Variants in SMIM36 observed in about 807,000 individuals in gnomAD.
SMIM36 encodes the protein small integral membrane protein 36.
At position 55,450,414 on chromosome 17, in the gene SMIM36, C is replaced by T. The variant is rs190577599; in HGVS notation, c.*532-116G>A. 3.3e-5 allele frequency: 5 copies of T among 152,322 alleles called. No homozygotes were observed. The East Asian group carries it at 9.6e-4, about 29-fold the overall frequency. The allele number at this position is 152,322 out of a possible 1,614,324, so 9.4% of individuals were successfully genotyped here. A position where few individuals can be genotyped will look rare whatever the true frequency, so the allele number is the denominator to read the frequency against. On this transcript the variant is annotated intron_variant, in intron 4 of 4. Coordinates refer to ENST00000636752, the Ensembl canonical transcript of SMIM36. The stretch of plus-strand genomic sequence containing the variant: ...ATCTAATCTTTGACCTTTTACATTT[C>T]CTCGTTGCTTTCTCTCAAGGGGTGT...
intron 1 of SMIM36, among the ~76,000 whole-genome samples, chr17:55,483,748 C>T (rs1249563796): frequency 1.3e-5 from 2 of 152,162 alleles, no homozygotes; most frequent in Non-Finnish European, 2.9e-5. Flanking sequence ...ATTCTCAAGC[C>T]TCAGCCTCCT....
At chr17:55,528,673 C>T in the SMIM36 span, among the ~76,000 whole-genome samples, 1 of 151,892 alleles carries the variant, frequency 6.6e-6, no homozygotes, top group Non-Finnish European at 1.5e-5. Flanking sequence ...CCTCAGCCTC[C>T]TGAGTAGCTG....
At chr17:55,493,787 G>A (rs539430920) in intron 1 of SMIM36, among the ~76,000 whole-genome samples, 2 of 142,264 alleles carry the variant, frequency 1.4e-5, no homozygotes, top group East Asian at 4.1e-4. Flanking sequence ...TCCAGCATGG[G>A]CAGCAGAGCT....
At chr17:55,456,072 C>T (rs141961801) in intron 4 of SMIM36, among the ~76,000 whole-genome samples, 3,865 of 142,634 alleles carry the variant, frequency 0.027, 157 homozygotes, top group African/African-American at 0.086. Flanking sequence ...GAGCCAAGAC[C>T]GCACCATTGC....
At chr17:55,493,179 G>A (rs529315417) in intron 1 of SMIM36, among the ~76,000 whole-genome samples, 14 of 152,332 alleles carry the variant, frequency 9.2e-5, no homozygotes, top group African/African-American at 2.6e-4. Flanking sequence ...TCCTCATTCA[G>A]GGAGGTCAGG....
At chr17:55,453,754 A>G (rs1257648607) in intron 4 of SMIM36, among the ~76,000 whole-genome samples, 1 of 152,190 alleles carries the variant, frequency 6.6e-6, no homozygotes, top group Non-Finnish European at 1.5e-5. Context: ...TAGTTCTACT[A>G]TTAATGGGAG....
intron 3 of SMIM36, among the ~76,000 whole-genome samples, chr17:55,470,213 A>AC (rs1056785660): frequency 8.6e-5 from 13 of 151,914 alleles, no homozygotes; most frequent in African/African-American, 2.9e-4. Flanking sequence ...AGCCCCTGGA[A>AC]CTCTGGCCCA....
intron 3 of SMIM36, among the ~76,000 whole-genome samples, chr17:55,474,762 G>A (rs1909401390): frequency 2.0e-5 from 3 of 152,082 alleles, no homozygotes; most frequent in Admixed American, 2.0e-4. Context: ...TGTAAGCATG[G>A]TGTTTTGTCT....
chr17:55,459,340 G>C (rs1394036993), intron 4 of SMIM36, among the ~76,000 whole-genome samples: 1 of 152,188 alleles, frequency 6.6e-6, no homozygotes, highest in East Asian at 1.9e-4. Context: ...ATTTTCTGCA[G>C]CTAGGTCCTA....
chr17:55,462,086 A>G (rs545103587), intron 4 of SMIM36, among the ~76,000 whole-genome samples: 1 of 152,336 alleles, frequency 6.6e-6, no homozygotes, highest in East Asian at 1.9e-4. Flanking sequence ...TAGGGCAAGC[A>G]GTTTGATGTT....
At chr17:55,520,125 C>T in the SMIM36 span, among the ~76,000 whole-genome samples, 7 of 152,142 alleles carry the variant, frequency 4.6e-5, no homozygotes, top group African/African-American at 9.7e-5. Context: ...TCACTCCAAT[C>T]GTCAAAGCCA....
chr17:55,453,773 G>A (rs867770670), intron 4 of SMIM36, among the ~76,000 whole-genome samples: 3 of 152,174 alleles, frequency 2.0e-5, no homozygotes, highest in Non-Finnish European at 4.4e-5. Flanking sequence ...AGATTCCCAG[G>A]TTTTAACAGT....
At chr17:55,510,628 G>A (rs1910162933) in intron 1 of SMIM36, among the ~76,000 whole-genome samples, 1 of 152,132 alleles carries the variant, frequency 6.6e-6, no homozygotes. Context: ...AAAACTGGTT[G>A]CCTTGGAAAG....
chr17:55,521,536 A>G, the SMIM36 span, among the ~76,000 whole-genome samples: 1 of 152,342 alleles, frequency 6.6e-6, no homozygotes, highest in African/African-American at 2.4e-5. Context: ...ATAACCTGTG[A>G]TTAGGGTATA....
intron 1 of SMIM36, among the ~76,000 whole-genome samples, chr17:55,492,201 C>A (rs1378499490): frequency 1.3e-5 from 2 of 148,756 alleles, no homozygotes; most frequent in African/African-American, 4.9e-5. Flanking sequence ...GCAAACTCCT[C>A]TTGATATTGA....
chr17:55,460,826 G>A (rs889240246), intron 4 of SMIM36, among the ~76,000 whole-genome samples: 2 of 151,982 alleles, frequency 1.3e-5, no homozygotes, highest in African/African-American at 4.8e-5. Flanking sequence ...CCACTGCACT[G>A]CAGCCTGGGT....
At position 55,498,597 on chromosome 17, in the gene SMIM36, G is replaced by A. The variant is rs1259717701; in HGVS notation, c.*174+12282C>T. 6.8e-5 allele frequency among the ~76,000 whole-genome samples: 10 copies of A among 146,246 alleles called. 1 individual carries two copies. The highest frequency in any genetic ancestry group is 1.5e-4 in the Non-Finnish European group (10 of 67,328). On this transcript the variant is annotated intron_variant, in intron 1 of 4. Transcript: ENST00000636752. ...AGATTATATCCATTTTTTTTTTTTAGAGATGAGGTCTTGCTATGTGGCCTA... is the reference window on the plus strand; with the variant it reads ...AGATTATATCCATTTTTTTTTTTTAAAGATGAGGTCTTGCTATGTGGCCTA...
intron 4 of SMIM36, among the ~76,000 whole-genome samples, chr17:55,453,139 A>G (rs1908952389): frequency 6.6e-6 from 1 of 152,064 alleles, no homozygotes; most frequent in Non-Finnish European, 1.5e-5. Context: ...ATGACACTCT[A>G]TCCCCAACAC....
At chr17:55,480,600 A>T (rs995247431) in intron 1 of SMIM36, among the ~76,000 whole-genome samples, 12 of 152,194 alleles carry the variant, frequency 7.9e-5, no homozygotes, top group African/African-American at 2.7e-4. Context: ...TGCTCTTTCA[A>T]TGTAGTGCGG....
Sources: gnomAD v4.1 joint callset for allele counts (sites outside exome capture counted in the v4.1 genomes callset) on GRCh38, gnomAD v4.1.1 for gene constraint, MANE v1.5 for transcripts, NCBI Gene and HGNC (gene_info 2026-07-23, HGNC 2026-07-21) for gene names.